PDE4D: variants seen among roughly 807,000 people sequenced by gnomAD.
PDE4D encodes the protein phosphodiesterase 4D, also known as 3',5'-cyclic-AMP phosphodiesterase 4D.
A neutral mutation model predicts 87.4 loss-of-function variants in PDE4D; 24 were observed. The observed-to-expected ratio is 0.27, with a 90% CI of 0.20 to 0.39. The LOEUF (loss-of-function observed/expected upper bound fraction) is 0.39. PDE4D is among the 10% of genes least tolerant of loss of function. The probability of loss-of-function intolerance (pLI) is 1.00; values close to 1 mark genes in which losing one functional copy is unlikely to be tolerated. For missense variants in PDE4D, 714 were observed against 1,041.0 expected (o/e 0.69, Z 4.32); for synonymous variants, 384 against 383.2 (o/e 1.00, Z -0.02).
intron 1 of PDE4D, among the ~76,000 whole-genome samples, chr5:59,310,671 T>C (rs1348058916): frequency 6.6e-6 from 1 of 152,216 alleles, no homozygotes; most frequent in Non-Finnish European, 1.5e-5. Context: ...GGCTGCTGTT[T>C]GTGAGACTGT....
chr5:59,686,916 T>C (rs1193667741), intron 1 of PDE4D, among the ~76,000 whole-genome samples: 1 of 152,210 alleles, frequency 6.6e-6, no homozygotes, highest in African/African-American at 2.4e-5. Context: ...AAAATCCTTC[T>C]GTAATTGAAG....
intron 1 of PDE4D, among the ~76,000 whole-genome samples, chr5:59,638,694 T>G (rs1741021499): frequency 1.3e-5 from 2 of 152,118 alleles, no homozygotes; most frequent in African/African-American, 4.8e-5. Flanking sequence ...TTGTTGTTTT[T>G]TTTTTAAAGA....
chr5:59,080,152 A>G (rs899329405), intron 5 of PDE4D, among the ~76,000 whole-genome samples: 1 of 152,186 alleles, frequency 6.6e-6, no homozygotes, highest in African/African-American at 2.4e-5. Context: ...CCTAATTGCT[A>G]ATGCTTTACT....
At chr5:59,480,206 T>A (rs894650711) in intron 1 of PDE4D, among the ~76,000 whole-genome samples, 13 of 152,018 alleles carry the variant, frequency 8.6e-5, no homozygotes, top group Admixed American at 3.3e-4. Context: ...CTTTTTTTTT[T>A]AATTCAAACT....
chr5:59,988,225 C>T, intron 3 of PDE4D: 2 of 343,080 alleles, frequency 5.8e-6, no homozygotes, highest in Non-Finnish European at 1.1e-5. Context: ...ATTAATTTTC[C>T]AAGTACAACT....
intron 1 of PDE4D, among the ~76,000 whole-genome samples, chr5:59,401,099 G>A (rs531812308): frequency 1.3e-5 from 2 of 152,174 alleles, no homozygotes; most frequent in African/African-American, 4.8e-5. Flanking sequence ...AAAATATTGT[G>A]TAAAATTACC....
At chr5:60,437,754 A>G (rs1457528335) in intron 1 of PDE4D, among the ~76,000 whole-genome samples, 2 of 152,138 alleles carry the variant, frequency 1.3e-5, no homozygotes, top group African/African-American at 4.8e-5. Context: ...CAGTGCTTCC[A>G]TGGTGAAAGT....
At chr5:59,635,746 G>A (rs1418575267) in intron 1 of PDE4D, among the ~76,000 whole-genome samples, 1 of 152,128 alleles carries the variant, frequency 6.6e-6, no homozygotes, top group Admixed American at 6.5e-5. Flanking sequence ...GAAATAATAA[G>A]AGCTATTTAT....
chr5:60,123,162 C>A (rs1778837706), intron 2 of PDE4D, among the ~76,000 whole-genome samples: 1 of 152,158 alleles, frequency 6.6e-6, no homozygotes, highest in African/African-American at 2.4e-5. Flanking sequence ...TCCATACTTT[C>A]CCACATTATT....
rs549650746 is a variant in PDE4D at position 59,039,792 on chromosome 5, G to A, written c.809-821C>T. On this transcript the variant is annotated intron_variant, in intron 5 of 14. Coordinates refer to ENST00000340635, the MANE Select transcript of PDE4D (RefSeq NM_001104631.2). The stretch of plus-strand genomic sequence containing the variant: ...CCACTCGCTTTGAAGTGCAGACGAG[G>A]AGGCGCGGGCGCGAGCGTGTGTGTC... The A allele has an allele frequency of 7.7e-3, 1,172 of 152,908 alleles. 5 individuals carry two copies. Among genetic ancestry groups the A allele is most frequent in the Non-Finnish European group, 0.013 (907 of 68,528 alleles). 9.5% of individuals were successfully genotyped at this position (152,908 alleles called of 1,614,324 possible).
chr5:59,250,374 T>G (rs1225022533), intron 1 of PDE4D, among the ~76,000 whole-genome samples: 1 of 151,266 alleles, frequency 6.6e-6, no homozygotes, highest in Non-Finnish European at 1.5e-5. Flanking sequence ...ACGCCTGTTG[T>G]TGCAGCTACT....
chr5:59,130,814 A>G (rs1480706400), intron 5 of PDE4D, among the ~76,000 whole-genome samples: 4 of 152,256 alleles, frequency 2.6e-5, no homozygotes, highest in African/African-American at 9.6e-5. Context: ...TCAATACCTT[A>G]GTCAACTTTA....
intron 5 of PDE4D, chr5:59,157,071 A>T: frequency 2.7e-6 from 1 of 371,704 alleles, no homozygotes. Flanking sequence ...CCGTAAGGTC[A>T]AGCAAAGACT....
At chr5:60,103,817 T>C (rs745443415) in intron 2 of PDE4D, among the ~76,000 whole-genome samples, 1 of 151,610 alleles carries the variant, frequency 6.6e-6, no homozygotes, top group Non-Finnish European at 1.5e-5. Context: ...CATCTAGCAT[T>C]AAGAAGAATA....
chr5:59,119,515 A>G (rs1011509968), intron 5 of PDE4D, among the ~76,000 whole-genome samples: 5 of 152,232 alleles, frequency 3.3e-5, no homozygotes, highest in Admixed American at 2.6e-4. Flanking sequence ...TTTATAAAAC[A>G]CCAAATTGTC....
At chr5:59,099,953 C>T (rs1373993736) in intron 5 of PDE4D, among the ~76,000 whole-genome samples, 1 of 152,318 alleles carries the variant, frequency 6.6e-6, no homozygotes, top group South Asian at 2.1e-4. Context: ...TCATGTTTTA[C>T]TTCTTTTATG....
chr5:60,436,343 T>G (rs1301916307), intron 1 of PDE4D, among the ~76,000 whole-genome samples: 1 of 152,068 alleles, frequency 6.6e-6, no homozygotes, highest in Non-Finnish European at 1.5e-5. Flanking sequence ...ACAGCAAGTT[T>G]CTAATATTAA....
chr5:59,720,031 A>T (rs1055817384), intron 1 of PDE4D, among the ~76,000 whole-genome samples: 2 of 152,202 alleles, frequency 1.3e-5, no homozygotes, highest in African/African-American at 4.8e-5. Context: ...TATCTTCTGT[A>T]AATGCTATGT....
In PDE4D at chr5:58,991,956, T is replaced by C; in HGVS notation, c.1064A>G (p.Glu355Gly). The C allele has an allele frequency of 6.2e-7, 1 of 1,600,132 alleles. No individual in the cohort carries two copies. Among genetic ancestry groups the C allele is most frequent in the Non-Finnish European group, 8.5e-7 (1 of 1,172,890 alleles). The change falls in exon 8 of 15, where the codon GAG becomes GGG. Residue 355 changes from glutamate (E) to glycine (G), a missense_variant. By Grantham distance (98) the Glu-to-Gly change is moderately conservative. Transcript: ENST00000340635. The part of the protein sequence containing the change: ...EIPSPTQKEK[E>G]KKKRPMSQIS... ...CTGAGACATTGGTCTTTTCTTTTTC[T>C]CCTTTTCCTTCTGAGTTGGAGAAGG...
Sources: allele counts gnomAD v4.1 joint callset (sites outside exome capture counted in the v4.1 genomes callset), GRCh38; gene constraint gnomAD v4.1.1; transcripts MANE v1.5; gene names NCBI Gene and HGNC (gene_info 2026-07-23, HGNC 2026-07-21).